Variants in DES observed in about 807,000 individuals in gnomAD.
DES encodes the protein cardiomyopathy, dilated 1F (autosomal dominant).
In DES, 34 loss-of-function variants were observed where a neutral mutation model predicts 55.1. The observed-to-expected ratio is 0.62, with a 90% CI of 0.47 to 0.82. The LOEUF is 0.82. DES is among the 40% of genes least tolerant of loss of function. The pLI is 0.00. For synonymous variants in DES, 259 were observed against 270.8 expected (o/e 0.96, Z 0.43); for missense variants, 596 against 645.9 (o/e 0.92, Z 0.84).
In DES at chr2:219,420,713, G is replaced by GC; in HGVS notation, c.897+57_897+58insC. Reference sequence around the variant, plus strand: ...CGTCCCCCTGAATCCCAGCTTGGATGTGCTGCCTGTGGTACCATCCATGGG... The same window carrying GC: ...CGTCCCCCTGAATCCCAGCTTGGATGCTGCTGCCTGTGGTACCATCCATGGG... On this transcript the variant is annotated intron_variant, in intron 4 of 8. Coordinates refer to ENST00000373960, the MANE Select transcript of DES (RefSeq NM_001927.4). This position sits in a 1 kb window ranked among gnomAD's most constrained non-coding sequence, Gnocchi z 6.0. 6.2e-7 allele frequency: 1 copy of GC among 1,613,848 alleles called. No homozygotes were observed. The highest frequency in any genetic ancestry group is 8.5e-7 in the Non-Finnish European group (1 of 1,179,912).
intron 6 of DES, among the ~76,000 whole-genome samples, chr2:219,423,437 G>T (rs1306685434): frequency 7.0e-6 from 1 of 141,932 alleles, no homozygotes; most frequent in Non-Finnish European, 1.5e-5. Context: ...AAGATGGGAG[G>T]GTTCTTTTTT....
At chr2:219,422,375 A>C (rs1296639653) in intron 6 of DES, among the ~76,000 whole-genome samples, 1 of 152,024 alleles carries the variant, frequency 6.6e-6, no homozygotes, top group Non-Finnish European at 1.5e-5. Flanking sequence ...CGTCATGCTC[A>C]GAGCAACCCA....
chr2:219,420,402 A>C lies in DES; in HGVS notation c.735+56A>C. Reference sequence around the variant, plus strand: ...TGGGCCATGGGGAAAGCAGCCGGAAAGTGGGGTTGGGGTGAGGCTCTGGCT... The same window carrying C: ...TGGGCCATGGGGAAAGCAGCCGGAACGTGGGGTTGGGGTGAGGCTCTGGCT... On this transcript the variant is annotated intron_variant, in intron 3 of 8. Coordinates refer to ENST00000373960, the MANE Select transcript of DES (RefSeq NM_001927.4). This position sits in a 1 kb window ranked among gnomAD's most constrained non-coding sequence, Gnocchi z 6.0. 1 of 1,612,512 alleles carries C rather than the reference A, an allele frequency of 6.2e-7. No individual in the cohort carries two copies. Among genetic ancestry groups the C allele is most frequent in the Admixed American group, 1.7e-5 (1 of 59,890 alleles).
At position 219,418,684 on chromosome 2, in the gene DES, G is replaced by A; in HGVS notation, c.222G>A (p.Leu74=). 6.3e-7 allele frequency: 1 copy of A among 1,575,158 alleles called. No homozygotes were observed. Among genetic ancestry groups the A allele is most frequent in the East Asian group, 2.3e-5 (1 of 43,112 alleles). ...TGGGGTCGCTGCGGGCCAGCCGGCT[G>A]GGGACCACCCGCACGCCCTCCTCCT... ...GGLGSLRASR[L]GTTRTPSSYG... The change falls in exon 1 of 9, where the codon CTG becomes CTA. Residue 74 remains leucine, a synonymous_variant. Coordinates refer to ENST00000373960, the MANE Select transcript of DES (RefSeq NM_001927.4).
In DES at chr2:219,426,270, G is replaced by A. The variant is rs925513578; in HGVS notation, c.*280G>A. On this transcript the variant is annotated 3_prime_UTR_variant, in exon 9 of 9. Transcript: ENST00000373960. This position sits in a 1 kb window ranked among gnomAD's most constrained non-coding sequence, Gnocchi z 4.5. ...CTCTTGTGCTGGATGGAGCCCAGGC[G>A]GGAGCGGTGGCCCTGTCCCTCCCAC... The A allele has an allele frequency of 3.4e-4, 198 of 586,658 alleles. 1 individual carries two copies. The highest frequency in any genetic ancestry group is 4.5e-4 in the Middle Eastern group (1 of 2,214). 36.3% of individuals were successfully genotyped at this position (586,658 alleles called of 1,614,324 possible).
chr2:219,419,066 T>A lies in DES; in HGVS notation c.578+26T>A, dbSNP rs1423941985. 7 of 1,535,896 alleles carry A rather than the reference T, an allele frequency of 4.6e-6. No homozygotes were observed. In the African/African-American group the frequency reaches 9.6e-5, roughly 21 times the overall value. The stretch of plus-strand genomic sequence containing the variant: ...GTGAGGGCCCGGCACCCCAGACTCC[T>A]CTTTCTGCGGGCAGGGCACAGGAGG... On this transcript the variant is annotated intron_variant, in intron 1 of 8. Transcript: ENST00000373960. This position sits in a 1 kb window ranked among gnomAD's most constrained non-coding sequence, Gnocchi z 4.3.
Position 219,420,438 on chromosome 2 carries a change from G to A in DES, c.736-57G>A, listed in dbSNP as rs1575014279. 20 of 1,613,154 alleles carry A rather than the reference G, an allele frequency of 1.2e-5. No homozygotes were observed. The East Asian group carries it at 2.7e-4, about 22-fold the overall frequency. On this transcript the variant is annotated intron_variant, in intron 3 of 8. Transcript: ENST00000373960. This position sits in a 1 kb window ranked among gnomAD's most constrained non-coding sequence, Gnocchi z 6.0. The stretch of plus-strand genomic sequence containing the variant: ...GGTGAGGCTCTGGCTGGGAATAGGG[G>A]TGTGAGGGTGCTGTGTGGGCCCTGA...
chr2:219,423,849 G>C (rs377288614), intron 7 of DES, 29 bp downstream of exon 7: 20 of 1,613,026 alleles, frequency 1.2e-5, no homozygotes, highest in Non-Finnish European at 1.6e-5. Context: ...GCGGAGGCTG[G>C]AGTTGCAGGG....
intron 7 of DES, chr2:219,425,288 C>T: frequency 3.7e-6 from 1 of 273,522 alleles, no homozygotes; most frequent in Non-Finnish European, 7.2e-6. Flanking sequence ...AAGGGGAGTC[C>T]CAGGAGACAA....
At position 219,420,642 on chromosome 2, in the gene DES, T is replaced by G. The variant is rs794728986; in HGVS notation, c.883T>G (p.Trp295Gly). The G allele has an allele frequency of 3.1e-6, 5 of 1,613,348 alleles. No individual in the cohort carries two copies. The highest frequency in any genetic ancestry group is 3.4e-6 in the Non-Finnish European group (4 of 1,179,900). ...TAAGAACATTTCTGAAGCTGAGGAG[T>G]GGTACAAGTCGAAGGTGGGTGGCCT... ...AAKNISEAEE[W>G]YKSKVSDLTQ... The change falls in exon 4 of 9, where the codon TGG (tryptophan) becomes GGG (glycine). Residue 295 changes from tryptophan (W) to glycine (G), a missense_variant. Coordinates refer to ENST00000373960, the MANE Select transcript of DES (RefSeq NM_001927.4). The surrounding 1 kb of genome is among the most constrained non-coding windows in gnomAD (Gnocchi z 6.0).
chr2:219,420,799 C>T lies in DES; in HGVS notation c.898-29C>T. 2 of 1,613,412 alleles carry T rather than the reference C, an allele frequency of 1.2e-6. No homozygotes were observed. Among genetic ancestry groups the T allele is most frequent in the Non-Finnish European group, 1.7e-6 (2 of 1,179,984 alleles). On this transcript the variant is annotated intron_variant, in intron 4 of 8. Transcript: ENST00000373960. The surrounding 1 kb of genome is among the most constrained non-coding windows in gnomAD (Gnocchi z 6.0). Reference sequence around the variant, plus strand: ...CCCTACCCGTGCCCTGCATCCTTCTCATTTTTGGGCCCCTTTCTCTGCCCT... The same window carrying T: ...CCCTACCCGTGCCCTGCATCCTTCTTATTTTTGGGCCCCTTTCTCTGCCCT...
chr2:219,419,649 G>A lies in DES; in HGVS notation c.579-446G>A, dbSNP rs1044752907. 2.6e-5 allele frequency among the ~76,000 whole-genome samples: 4 copies of A among 152,194 alleles called. No individual in the cohort carries two copies. The highest frequency in any genetic ancestry group is 4.8e-5 in the African/African-American group (2 of 41,436). ...TCAGAGAGCTTGGGAGGACCTGACT[G>A]TAGACTTCACCAGGCTCCAAGAACG... On this transcript the variant is annotated intron_variant, in intron 1 of 8. Transcript: ENST00000373960. The surrounding 1 kb of genome is among the most constrained non-coding windows in gnomAD (Gnocchi z 4.3).
chr2:219,419,028 G>T lies in DES; in HGVS notation c.566G>T (p.Arg189Leu), dbSNP rs1025323214. 1 of 1,542,084 alleles carries T rather than the reference G, an allele frequency of 6.5e-7. No homozygotes were observed. Among genetic ancestry groups the T allele is most frequent in the Admixed American group, 2.0e-5 (1 of 51,092 alleles). ...GACAACCTGCTCGACGACCTGCAGC[G>T]GCTCAAGGCCAAGTGAGGGCCCGGC... Reference protein sequence around the residue: ...ERDNLLDDLQRLKAKLQEEIQ... With the variant: ...ERDNLLDDLQLLKAKLQEEIQ... Residue 189 changes from arginine (R) to leucine (L), a missense_variant, in exon 1 of 9, where the codon CGG (arginine) becomes CTG (leucine). By Grantham distance (102) the Arg-to-Leu change is moderately radical (BLOSUM62 -2). Transcript: ENST00000373960. This position sits in a 1 kb window ranked among gnomAD's most constrained non-coding sequence, Gnocchi z 4.3.
In DES at chr2:219,426,401, A is replaced by T. The variant is rs1281413361; in HGVS notation, c.*411A>T. On this transcript the variant is annotated 3_prime_UTR_variant, in exon 9 of 9. Coordinates refer to ENST00000373960, the MANE Select transcript of DES (RefSeq NM_001927.4). The surrounding 1 kb of genome is among the most constrained non-coding windows in gnomAD (Gnocchi z 4.5). ...AGCCCCGCAGACCTCCCCAGCCCCT[A>T]GCCCAGGAGAGAGAAAGCCAGGCAG... The T allele has an allele frequency of 3.1e-6, 1 of 324,360 alleles. No individual in the cohort carries two copies. The highest frequency in any genetic ancestry group is 6.0e-6 in the Non-Finnish European group (1 of 167,286). 20.1% of individuals were successfully genotyped at this position (324,360 alleles called of 1,614,324 possible).
chr2:219,418,536 C>T lies in DES; in HGVS notation c.74C>T (p.Pro25Leu). Residue 25 changes from proline (P) to leucine (L), a missense_variant, in exon 1 of 9, where the codon CCA becomes CTA. By Grantham distance (98) the Pro-to-Leu change is moderately conservative (BLOSUM62 -3). Transcript: ENST00000373960. ...RRTFGGAPGF[P>L]LGSPLSSPVF... ...ACCTTCGGCGGGGCCCCGGGCTTCCCACTCGGCTCCCCGCTGAGTTCGCCC... is the reference window on the plus strand; with the variant it reads ...ACCTTCGGCGGGGCCCCGGGCTTCCTACTCGGCTCCCCGCTGAGTTCGCCC... 1.2e-6 allele frequency: 2 copies of T among 1,603,252 alleles called. No homozygotes were observed. The highest frequency in any genetic ancestry group is 1.7e-6 in the Non-Finnish European group (2 of 1,176,252).
chr2:219,421,589 G>T, intron 6 of DES, 29 bp downstream of exon 6: 1 of 1,607,390 alleles, frequency 6.2e-7, no homozygotes, highest in African/African-American at 1.3e-5. Flanking sequence ...GCCCGAGTGG[G>T]AGGTGCGGGG....
At chr2:219,421,009 C>G (rs1257777997) in intron 5 of DES, 56 bp downstream of exon 5, 34 of 1,592,446 alleles carry the variant, frequency 2.1e-5, no homozygotes, top group Non-Finnish European at 2.8e-5. Context: ...AGTTCACACC[C>G]TCACTTTGTG....
chr2:219,419,108 G>A lies in DES; in HGVS notation c.578+68G>A. On this transcript the variant is annotated intron_variant, in intron 1 of 8. Coordinates refer to ENST00000373960, the MANE Select transcript of DES (RefSeq NM_001927.4). This position sits in a 1 kb window ranked among gnomAD's most constrained non-coding sequence, Gnocchi z 4.3. Reference sequence around the variant, plus strand: ...CACAGGAGGCTAGGCCTGGGGTCTGGGGTCCCGCTGTCAGCACCTGCCTTC... The same window carrying A: ...CACAGGAGGCTAGGCCTGGGGTCTGAGGTCCCGCTGTCAGCACCTGCCTTC... 1 of 1,533,798 alleles carries A rather than the reference G, an allele frequency of 6.5e-7. No individual in the cohort carries two copies. The highest frequency in any genetic ancestry group is 8.7e-7 in the Non-Finnish European group (1 of 1,146,002).
chr2:219,420,635 T>C lies in DES; in HGVS notation c.876T>C (p.Ala292=). Residue 292 remains alanine, a synonymous_variant, in exon 4 of 9, where the codon GCT becomes GCC. Transcript: ENST00000373960. The surrounding 1 kb of genome is among the most constrained non-coding windows in gnomAD (Gnocchi z 6.0). The stretch of plus-strand genomic sequence containing the variant: ...TCGCGGCTAAGAACATTTCTGAAGC[T>C]GAGGAGTGGTACAAGTCGAAGGTGG... The part of the protein sequence containing the change: ...ETIAAKNISE[A]EEWYKSKVSD... The C allele has an allele frequency of 6.2e-7, 1 of 1,614,020 alleles. No homozygotes were observed. Among genetic ancestry groups the C allele is most frequent in the Non-Finnish European group, 8.5e-7 (1 of 1,180,026 alleles).
Sources: allele counts gnomAD v4.1 joint callset (sites outside exome capture counted in the v4.1 genomes callset), GRCh38; gene constraint gnomAD v4.1.1; non-coding constraint Gnocchi (gnomAD v3.1); transcripts MANE v1.5; gene names NCBI Gene and HGNC (gene_info 2026-07-23, HGNC 2026-07-21).